The following TENM1 variants were observed in gnomAD, a reference collection of about 807,000 sequenced individuals.
The protein encoded by TENM1 is teneurin-1.
A neutral mutation model predicts 174.8 loss-of-function variants in TENM1; 35 were observed. That is an observed-to-expected ratio of 0.20 (90% CI 0.15 to 0.27). The LOEUF (loss-of-function observed/expected upper bound fraction) is 0.27, where lower values mean the gene tolerates loss of function less well. TENM1 is among the 10% of genes least tolerant of loss of function. The pLI is 1.00. For synonymous variants in TENM1, 781 were observed against 798.7 expected, an observed-to-expected ratio of 0.98 and a Z score of 0.37; for missense variants, 1,633 against 2,130.1, an observed-to-expected ratio of 0.77 and a Z score of 4.59.
chrX:124,634,800 G>A (rs902324735), intron 11 of TENM1, among the ~76,000 whole-genome samples: 80 of 111,779 alleles, frequency 7.2e-4, no homozygotes, highest in African/African-American at 2.3e-3. Flanking sequence ...GTATAATCAA[G>A]GAAAGTTTCC....
At chrX:124,489,813 A>G (rs995549747) in intron 20 of TENM1, among the ~76,000 whole-genome samples, 10 of 110,973 alleles carry the variant, frequency 9.0e-5, no homozygotes, top group African/African-American at 3.0e-4. Context: ...GCTTCTTTTC[A>G]TATTCCTGGC....
intron 3 of TENM1, among the ~76,000 whole-genome samples, chrX:124,755,476 T>C (rs1210258335): frequency 1.2e-3 from 133 of 111,045 alleles, no homozygotes; most frequent in Non-Finnish European, 2.2e-3. Flanking sequence ...TTGGAGCATT[T>C]AGTCCATTTA....
chrX:125,029,941 C>A, the TENM1 span, among the ~76,000 whole-genome samples: 2 of 111,949 alleles, frequency 1.8e-5, no homozygotes, highest in Non-Finnish European at 1.9e-5. Flanking sequence ...AGATCATAAT[C>A]CTAACCTATT....
chrX:124,911,079 C>CTAATTTTT (rs1247146113), intron 1 of TENM1, among the ~76,000 whole-genome samples: 1 of 110,157 alleles, frequency 9.1e-6, no homozygotes, highest in Non-Finnish European at 1.9e-5. Flanking sequence ...CCACACCCGG[C>CTAATTTTT]TAATTTTTTA....
intron 27 of TENM1, among the ~76,000 whole-genome samples, chrX:124,404,684 C>T (rs1195762566): frequency 1.8e-5 from 2 of 111,320 alleles, no homozygotes; most frequent in African/African-American, 6.5e-5. Context: ...ACCTGATAGA[C>T]ATCTCCAGGG....
In TENM1 at chrX:124,699,077, T is replaced by C. The variant is rs750533856; in HGVS notation, c.1015+5936A>G. On this transcript the variant is annotated intron_variant, in intron 5 of 31. Coordinates refer to ENST00000422452, the Ensembl canonical transcript of TENM1. The stretch of plus-strand genomic sequence containing the variant: ...AGAGTAAGTATAGCTTAACGACTTA[T>C]GCAATGTGGCTCTAAAATATTCACA... Among the ~76,000 whole-genome samples, 15 of 112,295 alleles carry C rather than the reference T, an allele frequency of 1.3e-4. No homozygotes were observed. In the South Asian group the frequency reaches 4.4e-3, roughly 33 times the overall value.
At chrX:124,445,216 G>A (rs1246286634) in intron 23 of TENM1, among the ~76,000 whole-genome samples, 3 of 111,649 alleles carry the variant, frequency 2.7e-5, no homozygotes, top group African/African-American at 9.8e-5. Flanking sequence ...CAGTAAGACT[G>A]GATGGTGAAA....
chrX:124,386,172 T>C, intron 28 of TENM1, 108 bp from the exon 32 acceptor site: 1 of 765,227 alleles, frequency 1.3e-6, no homozygotes, highest in Non-Finnish European at 1.9e-6. Flanking sequence ...GCACTTACTG[T>C]GTGCCAGACA....
chrX:124,600,307 A>G (rs893011074), intron 11 of TENM1, among the ~76,000 whole-genome samples: 1 of 109,475 alleles, frequency 9.1e-6, no homozygotes, highest in African/African-American at 3.5e-5. Context: ...AAACATGCAA[A>G]GTCCACCTTG....
At chrX:124,537,452 A>C (rs989258213) in intron 15 of TENM1, among the ~76,000 whole-genome samples, 1 of 111,920 alleles carries the variant, frequency 8.9e-6, no homozygotes, top group Non-Finnish European at 1.9e-5. Context: ...TTTTGCACTT[A>C]ACACAGCTCA....
chrX:124,915,106 T>C (rs1042186843), intron 1 of TENM1, among the ~76,000 whole-genome samples: 1 of 111,957 alleles, frequency 8.9e-6, no homozygotes, highest in African/African-American at 3.2e-5. Context: ...TTTGATTTCA[T>C]CTCACTTCCT....
intron 28 of TENM1, among the ~76,000 whole-genome samples, chrX:124,387,782 C>T (rs1049291664): frequency 1.8e-5 from 2 of 112,203 alleles, no homozygotes; most frequent in African/African-American, 6.5e-5. Flanking sequence ...CAACATTACG[C>T]CTGCAGAGCC....
At chrX:124,587,950 C>T (rs916441556) in intron 11 of TENM1, among the ~76,000 whole-genome samples, 2 of 112,236 alleles carry the variant, frequency 1.8e-5, no homozygotes, top group Admixed American at 9.4e-5. Context: ...TGCTCACCAT[C>T]ACTGGCTATC....
chrX:124,794,181 G>A (rs981988127), intron 3 of TENM1, among the ~76,000 whole-genome samples: 6 of 110,861 alleles, frequency 5.4e-5, no homozygotes, highest in African/African-American at 9.8e-5. Flanking sequence ...ATAAGCATTC[G>A]GGAACTAAAA....
At chrX:124,751,644 C>G (rs1449812685) in intron 3 of TENM1, among the ~76,000 whole-genome samples, 1 of 71,705 alleles carries the variant, frequency 1.4e-5, no homozygotes, top group Admixed American at 2.0e-4. Context: ...CTCCCCCCTC[C>G]CCCCACCCCA....
At chrX:124,977,094 G>T in the TENM1 span, among the ~76,000 whole-genome samples, 215 of 111,621 alleles carry the variant, frequency 1.9e-3, no homozygotes, top group African/African-American at 6.9e-3. Flanking sequence ...CTGAGCTTGG[G>T]CCCATTGTGT....
At chrX:124,672,224 A>C (rs1026638315) in intron 5 of TENM1, among the ~76,000 whole-genome samples, 1 of 111,648 alleles carries the variant, frequency 9.0e-6, no homozygotes, top group Non-Finnish European at 1.9e-5. Context: ...TACCATGAGA[A>C]CATGGAAGAC....
the TENM1 span, among the ~76,000 whole-genome samples, chrX:125,122,329 T>C: frequency 9.0e-6 from 1 of 111,339 alleles, no homozygotes; most frequent in African/African-American, 3.3e-5. Flanking sequence ...ATCAAAATGC[T>C]TTACTGTGAG....
intron 3 of TENM1, among the ~76,000 whole-genome samples, chrX:124,831,212 A>T (rs1169841459): frequency 9.0e-6 from 1 of 110,953 alleles, no homozygotes; most frequent in Non-Finnish European, 1.9e-5. Context: ...CAGGGCTCAA[A>T]CTAAGAGCTT....
Sources: gnomAD v4.1 joint callset for allele counts (sites outside exome capture counted in the v4.1 genomes callset) on GRCh38, gnomAD v4.1.1 for gene constraint, MANE v1.5 for transcripts, NCBI Gene and HGNC (gene_info 2026-07-23, HGNC 2026-07-21) for gene names.